Variants in EPB41 observed in about 807,000 individuals in gnomAD.
The protein encoded by EPB41 is erythrocyte membrane protein band 4.1, also known as protein 4.1.
EPB41 carries 65 observed loss-of-function variants against 108.0 expected under a neutral mutation model. The ratio of observed to expected loss-of-function variants is 0.60; its 90% CI spans 0.49 to 0.74. EPB41 has a LOEUF of 0.74. Among genes scored for constraint, EPB41 ranks in the 30% least tolerant of loss-of-function variants. The pLI, the probability that EPB41 is intolerant of heterozygous loss-of-function variation, is 0.00. For missense variants in EPB41, 875 were observed against 1,037.0 expected (o/e 0.84, Z 2.15); for synonymous variants, 336 against 358.9 (o/e 0.94, Z 0.72).
intron 11 of EPB41, chr1:29,041,203 G>A (rs1403917359): frequency 1.3e-5 from 2 of 151,682 alleles, no homozygotes; most frequent in African/African-American, 4.8e-5. Context: ...AGAAGGGCCG[G>A]GCATGGTGGC....
chr1:29,007,310 T>C (rs2096422309), intron 4 of EPB41, among the ~76,000 whole-genome samples: 1 of 152,238 alleles, frequency 6.6e-6, no homozygotes. Context: ...GTTTACAGTT[T>C]GGGGCTTTTA....
At chr1:29,011,210 C>A (rs143446315) in intron 4 of EPB41, among the ~76,000 whole-genome samples, 1,610 of 149,912 alleles carry the variant, frequency 0.011, 20 homozygotes, top group African/African-American at 0.037. Flanking sequence ...ACTAAAAATA[C>A]AAAAATTAGC....
At chr1:29,009,942 G>T (rs910795489) in intron 4 of EPB41, among the ~76,000 whole-genome samples, 2 of 152,138 alleles carry the variant, frequency 1.3e-5, no homozygotes, top group African/African-American at 4.8e-5. Flanking sequence ...TTAAAATGTG[G>T]TGTTCAAGCC....
chr1:29,051,088 G>GTTTTTTTTTTTTTTTTTT (rs71586885), intron 11 of EPB41, among the ~76,000 whole-genome samples: 2 of 51,576 alleles, frequency 3.9e-5, no homozygotes, highest in Non-Finnish European at 6.5e-5. Flanking sequence ...TTCTTTTTCT[G>GTTTTTTTTTTTTTTTTTT]TTTTTTTTTT....
At chr1:29,067,606 G>T (rs1414011158) in intron 16 of EPB41, among the ~76,000 whole-genome samples, 2 of 148,512 alleles carry the variant, frequency 1.3e-5, no homozygotes, top group African/African-American at 2.5e-5. Flanking sequence ...GGCAGAGATT[G>T]CAGTGAGCCG....
At chr1:28,917,808 T>C (rs1243262911) in intron 1 of EPB41, among the ~76,000 whole-genome samples, 1 of 151,802 alleles carries the variant, frequency 6.6e-6, no homozygotes, top group Non-Finnish European at 1.5e-5. Flanking sequence ...CTCAAACTGC[T>C]GGTCTCAAAC....
In EPB41 at chr1:28,887,628, G is replaced by C. The variant is rs1424236839; in HGVS notation, c.-8+418G>C. ...TCCTGCCGGGCCCGCAGCAGCGCTG[G>C]AGCGGGCTGGCGGCTAGCAGCGGGA... On this transcript the variant is annotated intron_variant, in intron 1 of 16. Coordinates refer to the EPB41 transcript ENST00000347529. This position sits in a 1 kb window ranked among gnomAD's most constrained non-coding sequence, Gnocchi z 4.9. 2.4e-5 allele frequency: 24 copies of C among 985,190 alleles called. No individual in the cohort carries two copies. The highest frequency in any genetic ancestry group is 2.9e-5 in the Non-Finnish European group (24 of 829,876). The allele number at this position is 985,190 out of a possible 1,614,324, so 61.0% of individuals were successfully genotyped here.
intron 5 of EPB41, 152 bp from the exon 6 acceptor site, chr1:29,015,540 C>A: frequency 1.7e-6 from 1 of 606,036 alleles, no homozygotes; most frequent in Non-Finnish European, 3.0e-6. Flanking sequence ...CGCTACGGCA[C>A]TCCAGCCTGG....
At position 28,982,430 on chromosome 1, in the gene EPB41, TC is replaced by T. The variant is rs1017180633; in HGVS notation, c.-7-5000del. On this transcript the variant is annotated intron_variant, in intron 1 of 20. Transcript: ENST00000343067. ...TTGATCTTTGACCCCTTGGTGATCT[TC>T]TTCTTGCCCATGGCAGCTGTCACTT... 1.3e-5 allele frequency: 10 copies of T among 754,886 alleles called. No homozygotes were observed. In the East Asian group the frequency reaches 2.5e-4, roughly 19 times the overall value. 46.8% of individuals were successfully genotyped at this position (754,886 alleles called of 1,614,324 possible).
intron 1 of EPB41, among the ~76,000 whole-genome samples, chr1:28,896,918 C>T (rs747145312): frequency 3.0e-4 from 45 of 152,296 alleles, no homozygotes; most frequent in Non-Finnish European, 2.5e-4. Context: ...AGAGGGAGAT[C>T]TTGGGGCCTG....
chr1:29,040,549 G>T (rs1329104268), intron 11 of EPB41, among the ~76,000 whole-genome samples: 1 of 152,112 alleles, frequency 6.6e-6, no homozygotes, highest in East Asian at 1.9e-4. Context: ...CCAAAGTGCT[G>T]AGATTATGGG....
At chr1:29,076,987 A>G (rs1001805452) in intron 16 of EPB41, among the ~76,000 whole-genome samples, 3 of 152,234 alleles carry the variant, frequency 2.0e-5, no homozygotes, top group East Asian at 1.9e-4. Context: ...TGCCTTGAAT[A>G]TAACAAATAA....
At chr1:28,921,818 A>C (rs1468044993) in intron 1 of EPB41, among the ~76,000 whole-genome samples, 1 of 151,426 alleles carries the variant, frequency 6.6e-6, no homozygotes, top group Non-Finnish European at 1.5e-5. Context: ...TAAATCTTCA[A>C]GCTTTCTGGC....
chr1:28,928,408 C>T (rs559281222), intron 1 of EPB41, among the ~76,000 whole-genome samples: 1 of 152,266 alleles, frequency 6.6e-6, no homozygotes, highest in South Asian at 2.1e-4. Flanking sequence ...TCTATATAAC[C>T]CTTAGGGGAG....
chr1:28,984,278 G>T (rs1571930894), intron 1 of EPB41, among the ~76,000 whole-genome samples: 1 of 152,196 alleles, frequency 6.6e-6, no homozygotes, highest in South Asian at 2.1e-4. Flanking sequence ...ACTTTGGGCT[G>T]CAGTCTCATG....
chr1:28,949,401 C>T (rs2094612934), intron 1 of EPB41, among the ~76,000 whole-genome samples: 1 of 152,078 alleles, frequency 6.6e-6, no homozygotes, highest in Non-Finnish European at 1.5e-5. Context: ...GATGGCATCA[C>T]TGCACTCCAG....
At chr1:28,956,908 G>A (rs2094972214) in intron 1 of EPB41, among the ~76,000 whole-genome samples, 1 of 152,198 alleles carries the variant, frequency 6.6e-6, no homozygotes, top group South Asian at 2.1e-4. Context: ...ATTTCAAGAA[G>A]AAATCACTGA....
intron 16 of EPB41, among the ~76,000 whole-genome samples, chr1:29,073,259 G>A (rs1652380421): frequency 6.6e-6 from 1 of 152,026 alleles, no homozygotes; most frequent in Admixed American, 6.6e-5. Flanking sequence ...TGGAGTAAAG[G>A]TATCAATACA....
intron 16 of EPB41, among the ~76,000 whole-genome samples, chr1:29,083,080 T>C (rs951084102): frequency 6.6e-6 from 1 of 151,888 alleles, no homozygotes; most frequent in Non-Finnish European, 1.5e-5. Context: ...TACCAGAGAA[T>C]AGCAATAGAC....
Sources: allele counts gnomAD v4.1 joint callset (sites outside exome capture counted in the v4.1 genomes callset), GRCh38; gene constraint gnomAD v4.1.1; non-coding constraint Gnocchi (gnomAD v3.1); transcripts MANE v1.5; gene names NCBI Gene and HGNC (gene_info 2026-07-23, HGNC 2026-07-21).